CCDC73: variants seen among roughly 807,000 people sequenced by gnomAD.
CCDC73 encodes coiled-coil domain-containing protein 73.
In CCDC73, 95 loss-of-function variants were observed where a neutral mutation model predicts 116.5. The observed-to-expected ratio is 0.82, with a 90% CI of 0.69 to 0.97. CCDC73 has a LOEUF of 0.97. CCDC73 is among the 50% of genes least tolerant of loss of function. The pLI is 0.00. For missense variants in CCDC73, 1,066 were observed against 1,206.8 expected, an observed-to-expected ratio of 0.88 and a Z score of 1.73; for synonymous variants, 398 against 401.3, an observed-to-expected ratio of 0.99 and a Z score of 0.10.
chr11:32,656,308 T>C (rs574171965), intron 9 of CCDC73, among the ~76,000 whole-genome samples: 4 of 152,116 alleles, frequency 2.6e-5, no homozygotes, highest in South Asian at 2.1e-4. Context: ...CTCGATCTCC[T>C]GACCTTCTGA....
chr11:32,646,689 A>G (rs1299919216), intron 12 of CCDC73, among the ~76,000 whole-genome samples: 1 of 152,128 alleles, frequency 6.6e-6, no homozygotes. Context: ...AATGATATGC[A>G]TTGGTATTGG....
upstream of CCDC73, among the ~76,000 whole-genome samples, chr11:32,794,896 G>A (rs1277448002): frequency 2.7e-5 from 4 of 150,050 alleles, no homozygotes; most frequent in African/African-American, 9.8e-5. Flanking sequence ...ACGGAGTCTC[G>A]CTCTGTCGCC....
intron 6 of CCDC73, among the ~76,000 whole-genome samples, chr11:32,689,837 T>G (rs573099849): frequency 1.6e-4 from 25 of 152,016 alleles, no homozygotes; most frequent in African/African-American, 6.0e-4. Flanking sequence ...CTACTAAAAA[T>G]ACAAAAAATT....
chr11:32,801,294 C>T, the CCDC73 span, among the ~76,000 whole-genome samples: 1 of 152,142 alleles, frequency 6.6e-6, no homozygotes, highest in Non-Finnish European at 1.5e-5. Flanking sequence ...AAGAGTTACT[C>T]CTAGAGCTGG....
chr11:32,754,186 A>G lies in CCDC73; in HGVS notation c.135+5923T>C, dbSNP rs558192497. On this transcript the variant is annotated intron_variant, in intron 2 of 17. Coordinates refer to ENST00000335185, the MANE Select transcript of CCDC73 (RefSeq NM_001008391.4). ...AGAATCATCCTACCAAGCTCTAAAA[A>G]CCACTGCATTAGGTTTTGATTAGCA... 7.2e-5 allele frequency among the ~76,000 whole-genome samples: 11 copies of G among 152,334 alleles called. No homozygotes were observed. In the South Asian group the frequency reaches 2.3e-3, roughly 32 times the overall value.
intron 2 of CCDC73, among the ~76,000 whole-genome samples, chr11:32,738,292 G>A (rs901171814): frequency 1.3e-5 from 2 of 152,138 alleles, no homozygotes; most frequent in African/African-American, 4.8e-5. Flanking sequence ...GTTCTCCGTA[G>A]GGGTTATACT....
intron 14 of CCDC73, among the ~76,000 whole-genome samples, chr11:32,624,288 C>A (rs995121039): frequency 6.6e-6 from 1 of 151,770 alleles, no homozygotes; most frequent in Admixed American, 6.6e-5. Flanking sequence ...TGCAGTAAGC[C>A]GAGATGATGC....
intron 9 of CCDC73, among the ~76,000 whole-genome samples, chr11:32,668,876 C>A (rs1456172203): frequency 6.6e-6 from 1 of 151,950 alleles, no homozygotes; most frequent in Admixed American, 6.6e-5. Flanking sequence ...TAGAGAAAAA[C>A]CTTCAGTGTT....
chr11:32,687,504 C>A (rs529938812), intron 6 of CCDC73, among the ~76,000 whole-genome samples: 11 of 152,100 alleles, frequency 7.2e-5, no homozygotes, highest in African/African-American at 2.2e-4. Flanking sequence ...AGTCAGATTT[C>A]TCATTGAAAG....
intron 17 of CCDC73, chr11:32,606,161 G>GA (rs1855348839): frequency 6.6e-6 from 1 of 152,226 alleles, no homozygotes; most frequent in Admixed American, 6.5e-5. Flanking sequence ...TGGACCCATA[G>GA]AGAGAAAGTG....
chr11:32,735,580 C>T (rs541766486), intron 2 of CCDC73, among the ~76,000 whole-genome samples: 8 of 152,240 alleles, frequency 5.3e-5, no homozygotes, highest in African/African-American at 1.4e-4. Flanking sequence ...AATGGCCATA[C>T]TGCCCAAGGT....
chr11:32,673,157 G>C (rs1027379935), intron 9 of CCDC73, among the ~76,000 whole-genome samples: 1 of 152,174 alleles, frequency 6.6e-6, no homozygotes, highest in African/African-American at 2.4e-5. Context: ...TGACAAGTAG[G>C]TATATGAAAA....
chr11:32,675,779 C>G, intron 8 of CCDC73, 107 bp downstream of exon 8: 1 of 1,206,506 alleles, frequency 8.3e-7, no homozygotes, highest in Non-Finnish European at 1.2e-6. Flanking sequence ...TATTAACTGC[C>G]ATTTACTATT....
At chr11:32,684,418 G>A (rs931602890) in intron 6 of CCDC73, among the ~76,000 whole-genome samples, 5 of 151,980 alleles carry the variant, frequency 3.3e-5, no homozygotes, top group Admixed American at 6.6e-5. Context: ...GATAATAAAC[G>A]TCTATTTTAT....
intron 17 of CCDC73, among the ~76,000 whole-genome samples, chr11:32,609,256 G>A (rs547835343): frequency 3.3e-5 from 5 of 152,162 alleles, no homozygotes; most frequent in East Asian, 1.9e-4. Flanking sequence ...CTTTAACAGC[G>A]CCCAAGTCAC....
intron 14 of CCDC73, among the ~76,000 whole-genome samples, chr11:32,630,969 GGATA>G (rs1342866359): frequency 1.3e-5 from 2 of 152,066 alleles, no homozygotes; most frequent in Admixed American, 6.5e-5. Context: ...GATATTACTA[GGATA>G]AATATGGATA....
At chr11:32,662,521 G>A (rs1160591297) in intron 9 of CCDC73, among the ~76,000 whole-genome samples, 2 of 151,656 alleles carry the variant, frequency 1.3e-5, no homozygotes, top group Admixed American at 1.3e-4. Flanking sequence ...TGCCCACTTT[G>A]TGATGGGGTT....
chr11:32,696,902 TCAC>T (rs1856316549), intron 6 of CCDC73, among the ~76,000 whole-genome samples: 1 of 151,502 alleles, frequency 6.6e-6, no homozygotes, highest in Admixed American at 6.6e-5. Context: ...TGATCATGGC[TCAC>T]AGCAGCCTCG....
At chr11:32,650,205 A>G (rs1855814301) in intron 12 of CCDC73, among the ~76,000 whole-genome samples, 1 of 152,224 alleles carries the variant, frequency 6.6e-6, no homozygotes, top group African/African-American at 2.4e-5. Flanking sequence ...ATCTAACAAA[A>G]TTGCTAGATA....
Sources: gnomAD v4.1 joint callset for allele counts (sites outside exome capture counted in the v4.1 genomes callset) on GRCh38, gnomAD v4.1.1 for gene constraint, MANE v1.5 for transcripts, NCBI Gene and HGNC (gene_info 2026-07-23, HGNC 2026-07-21) for gene names.